COBL: variants seen among roughly 807,000 people sequenced by gnomAD.
The protein encoded by COBL is protein cordon-bleu.
Under a neutral mutation model 98.8 loss-of-function variants are expected in COBL, and 51 were observed. The ratio of observed to expected loss-of-function variants is 0.52; its 90% CI spans 0.41 to 0.65. The LOEUF is 0.65. Among genes scored for constraint, COBL ranks in the 30% least tolerant of loss-of-function variants. The probability of loss-of-function intolerance (pLI) is 0.00; values close to 1 mark genes in which losing one functional copy is unlikely to be tolerated. For missense variants in COBL, 1,617 were observed against 1,617.5 expected, an observed-to-expected ratio of 1.00 and a Z score of 0.01; for synonymous variants, 634 against 651.7, an observed-to-expected ratio of 0.97 and a Z score of 0.41.
chr7:51,192,243 G>A (rs1052377328), intron 3 of COBL, among the ~76,000 whole-genome samples: 3 of 152,128 alleles, frequency 2.0e-5, no homozygotes, highest in African/African-American at 7.2e-5. Flanking sequence ...AAATTTAGAA[G>A]GTCTGCTAAG....
At chr7:51,279,583 C>T (rs1799624047) in intron 1 of COBL, among the ~76,000 whole-genome samples, 1 of 152,180 alleles carries the variant, frequency 6.6e-6, no homozygotes, top group Non-Finnish European at 1.5e-5. Context: ...ACCCACGCCC[C>T]ACCAGACTGG....
chr7:51,146,217 G>T (rs1785017152), intron 5 of COBL, among the ~76,000 whole-genome samples: 2 of 152,212 alleles, frequency 1.3e-5, no homozygotes, highest in African/African-American at 4.8e-5. Flanking sequence ...TGTTTTCCAG[G>T]TGAAACTGAA....
At chr7:51,186,376 T>G (rs1367945947) in intron 4 of COBL, among the ~76,000 whole-genome samples, 1 of 152,124 alleles carries the variant, frequency 6.6e-6, no homozygotes, top group Admixed American at 6.5e-5. Context: ...AGTTGAGAAA[T>G]TGTCTATGTT....
intron 6 of COBL, among the ~76,000 whole-genome samples, chr7:51,104,031 C>A (rs895142360): frequency 6.6e-6 from 1 of 152,250 alleles, no homozygotes; most frequent in Non-Finnish European, 1.5e-5. Context: ...CTGAGAGAGT[C>A]AGGGTCAAGT....
chr7:51,253,156 G>A (rs911204811), intron 1 of COBL, among the ~76,000 whole-genome samples: 2 of 152,032 alleles, frequency 1.3e-5, no homozygotes, highest in African/African-American at 2.4e-5. Flanking sequence ...CCCAGGAGGC[G>A]GAGGTTGCAG....
intron 1 of COBL, among the ~76,000 whole-genome samples, chr7:51,232,645 A>C (rs563974862): frequency 6.6e-6 from 1 of 152,252 alleles, no homozygotes; most frequent in East Asian, 1.9e-4. Flanking sequence ...CCCTGCCTCT[A>C]CTAAAAATAC....
Position 51,052,204 on chromosome 7 carries a change from T to A in COBL, c.1097-8512A>T, listed in dbSNP as rs141681241. Among the ~76,000 whole-genome samples the A allele has an allele frequency of 4.3e-3, 653 of 152,320 alleles. 5 individuals are homozygous for A. Among genetic ancestry groups the A allele is most frequent in the African/African-American group, 0.015 (622 of 41,566 alleles). ...ACAAGAAGCCCCAACCAACAAATTA[T>A]GTCACCTATCCCTGAGGGTGTGTGT... On this transcript the variant is annotated intron_variant, in intron 7 of 12. Transcript: ENST00000265136.
chr7:51,077,490 G>A (rs1793205475), intron 7 of COBL, among the ~76,000 whole-genome samples: 1 of 152,206 alleles, frequency 6.6e-6, no homozygotes, highest in Admixed American at 6.5e-5. Flanking sequence ...TATACAAGGT[G>A]ACAGCAGGGA....
intron 5 of COBL, among the ~76,000 whole-genome samples, chr7:51,142,770 A>G (rs1292765359): frequency 2.6e-5 from 4 of 152,228 alleles, no homozygotes; most frequent in African/African-American, 9.6e-5. Context: ...AAGCAGGACC[A>G]TCTGCCAGGC....
intron 1 of COBL, among the ~76,000 whole-genome samples, chr7:51,257,152 A>G (rs1797264256): frequency 6.6e-6 from 1 of 152,170 alleles, no homozygotes; most frequent in Admixed American, 6.6e-5. Context: ...TCTCAAGATA[A>G]AAGAAGACAG....
Position 51,210,216 on chromosome 7 carries a change from T to C in COBL, c.245+9525A>G, listed in dbSNP as rs151072850. On this transcript the variant is annotated intron_variant, in intron 2 of 12. Transcript: ENST00000265136. ...AGTGCTCCTCATGTGAAAGCTGCCA[T>C]GATATCTTCAGCAGTCGAGGGTGGG... 3.2e-3 allele frequency among the ~76,000 whole-genome samples: 488 copies of C among 152,284 alleles called. 1 individual carries two copies. Among genetic ancestry groups the C allele is most frequent in the Non-Finnish European group, 5.4e-3 (366 of 68,030 alleles).
chr7:51,085,466 A>G (rs1743957758), intron 6 of COBL, among the ~76,000 whole-genome samples, 162 bp from the exon 7 acceptor site: 1 of 152,212 alleles, frequency 6.6e-6, no homozygotes, highest in South Asian at 2.1e-4. Context: ...GTCCTCCCAC[A>G]CAGGCAGGGG....
chr7:51,041,149 T>A (rs907199947), intron 8 of COBL, among the ~76,000 whole-genome samples: 4 of 152,310 alleles, frequency 2.6e-5, no homozygotes, highest in Admixed American at 2.0e-4. Context: ...TTGTGTGGGG[T>A]AGGCAGGAAG....
At chr7:51,041,478 C>CTTTTTTTTTTTT (rs773830122) in intron 8 of COBL, among the ~76,000 whole-genome samples, 7 of 80,024 alleles carry the variant, frequency 8.7e-5, no homozygotes, top group Non-Finnish European at 1.3e-4. Context: ...TATTTCTTTC[C>CTTTTTTTTTTTT]TTTTTTTTTT....
chr7:51,268,978 CTGGAGCTGG>C (rs1381067768), intron 1 of COBL, among the ~76,000 whole-genome samples: 1 of 150,898 alleles, frequency 6.6e-6, no homozygotes, highest in East Asian at 2.0e-4. Context: ...GAAGACACAG[CTGGAGCTGG>C]AGCAGTTGTG....
intron 1 of COBL, among the ~76,000 whole-genome samples, chr7:51,225,391 G>A (rs1331715952): frequency 6.6e-6 from 1 of 152,306 alleles, no homozygotes; most frequent in East Asian, 1.9e-4. Context: ...TCAGACCTGG[G>A]ACCTTGCCCG....
chr7:51,213,460 G>A (rs1191436869), intron 2 of COBL, among the ~76,000 whole-genome samples: 1 of 152,186 alleles, frequency 6.6e-6, no homozygotes, highest in African/African-American at 2.4e-5. Flanking sequence ...AGCCTGGTCT[G>A]TGGAAAAACT....
chr7:51,273,245 C>T (rs1046714938), intron 1 of COBL, among the ~76,000 whole-genome samples: 33 of 149,322 alleles, frequency 2.2e-4, no homozygotes, highest in African/African-American at 8.0e-4. Flanking sequence ...AGGAGAATCG[C>T]TTGAACCTGG....
chr7:51,166,938 T>A (rs538160854), intron 5 of COBL, among the ~76,000 whole-genome samples: 2 of 152,094 alleles, frequency 1.3e-5, no homozygotes, highest in African/African-American at 4.8e-5. Flanking sequence ...AAACTGGGGA[T>A]AGAAGTAACA....
Sources: gnomAD v4.1 joint callset for allele counts (sites outside exome capture counted in the v4.1 genomes callset) on GRCh38, gnomAD v4.1.1 for gene constraint, MANE v1.5 for transcripts, NCBI Gene and HGNC (gene_info 2026-07-23, HGNC 2026-07-21) for gene names.